GPR55: variants seen among roughly 807,000 people sequenced by gnomAD.
GPR55 encodes G-protein coupled receptor 55.
A neutral mutation model predicts 7.9 loss-of-function variants in GPR55; 6 were observed. That is an observed-to-expected ratio of 0.76 (90% CI 0.41 to 1.49). GPR55 has a LOEUF of 1.49. Ranked by LOEUF, GPR55 falls within the 40% of genes most tolerant of loss-of-function variation. The pLI, the probability that GPR55 is intolerant of heterozygous loss-of-function variation, is 0.01. For missense variants in GPR55, 376 were observed against 406.0 expected (o/e 0.93, Z 0.63); for synonymous variants, 183 against 166.8 (o/e 1.10, Z -0.75).
chr2:230,955,672 T>C (rs1334169340), intron 1 of GPR55, among the ~76,000 whole-genome samples: 1 of 152,210 alleles, frequency 6.6e-6, no homozygotes, highest in Non-Finnish European at 1.5e-5. Context: ...AGGAGACTCA[T>C]ATGGGAAAAC....
chr2:230,960,646 T>A (rs1691553593), intron 1 of GPR55: 1 of 152,180 alleles, frequency 6.6e-6, no homozygotes, highest in Admixed American at 6.5e-5. Context: ...CTTCCATTTT[T>A]ACAAGGAAAA....
rs149142480 is a variant in GPR55, at chr2:230,949,608, G to C, written c.-135+11167C>G. ...AAGGGTGGTCTTGGGACACTTTCTG[G>C]GGATCCACAAGGTCAAAACTATTTT... On this transcript the variant is annotated intron_variant, in intron 1 of 1. Transcript: ENST00000392039. Among the ~76,000 whole-genome samples, 646 of 152,224 alleles carry C rather than the reference G, an allele frequency of 4.2e-3. 8 individuals are homozygous for C. The highest frequency in any genetic ancestry group is 0.015 in the African/African-American group (612 of 41,524).
chr2:230,914,756 C>T (rs57677678), intron 1 of GPR55, among the ~76,000 whole-genome samples: 3 of 152,312 alleles, frequency 2.0e-5, no homozygotes, highest in East Asian at 3.9e-4. Flanking sequence ...AGGGGTCCAC[C>T]CCAATCAAGC....
At chr2:230,921,320 C>T (rs894199850) in intron 1 of GPR55, among the ~76,000 whole-genome samples, 1 of 152,158 alleles carries the variant, frequency 6.6e-6, no homozygotes, top group Admixed American at 6.5e-5. Flanking sequence ...ATAAGGTAGA[C>T]TAGCAGATCA....
intron 1 of GPR55, among the ~76,000 whole-genome samples, chr2:230,916,874 A>G (rs1032924310): frequency 5.3e-5 from 8 of 152,230 alleles, no homozygotes; most frequent in Non-Finnish European, 1.0e-4. Flanking sequence ...CAGCATAGAA[A>G]TTACAACAAT....
chr2:230,910,219 C>T lies in GPR55; in HGVS notation c.744G>A (p.Leu248=). The T allele has an allele frequency of 6.2e-7, 1 of 1,614,102 alleles. No individual in the cohort carries two copies. The highest frequency in any genetic ancestry group is 8.5e-7 in the Non-Finnish European group (1 of 1,179,950). Residue 248 remains leucine, a synonymous_variant, in exon 2 of 2, where the codon CTG becomes CTA. Transcript: ENST00000650999. This position sits in a 1 kb window ranked among gnomAD's most constrained non-coding sequence, Gnocchi z 5.4. ...SFLPVHLGFF[L]QFLVRNSFIV... is the part of the protein sequence containing the mutation. The stretch of plus-strand genomic sequence containing the variant: ...TAAAGCTGTTTCTCACCAGGAACTG[C>T]AGGAAGAACCCCAGGTGGACTGGGA...
chr2:230,944,322 C>T lies in GPR55; in HGVS notation c.-135+16453G>A, dbSNP rs542428821. Reference sequence around the variant, plus strand: ...AGCTTGATGACCCAGAAGCTATGGTCCTGCACACGTGAGTCTGTGACCTGA... The same window carrying T: ...AGCTTGATGACCCAGAAGCTATGGTTCTGCACACGTGAGTCTGTGACCTGA... On this transcript the variant is annotated intron_variant, in intron 1 of 1. Coordinates refer to the GPR55 transcript ENST00000392039. The surrounding 1 kb of genome is among the most constrained non-coding windows in gnomAD (Gnocchi z 4.2). Among the ~76,000 whole-genome samples, 11 of 152,332 alleles carry T rather than the reference C, an allele frequency of 7.2e-5. No individual in the cohort carries two copies. In the South Asian group the frequency reaches 2.3e-3, roughly 32 times the overall value.
upstream of GPR55, among the ~76,000 whole-genome samples, chr2:230,926,505 G>A (rs1690945252): frequency 6.6e-6 from 1 of 152,140 alleles, no homozygotes; most frequent in East Asian, 1.9e-4. Context: ...GAGGCCAGGA[G>A]CCTGCTGGGA....
intron 1 of GPR55, among the ~76,000 whole-genome samples, chr2:230,938,144 C>T (rs145261213): frequency 4.3e-4 from 35 of 82,086 alleles, no homozygotes; most frequent in Admixed American, 1.2e-3. Context: ...AAGACCCTGT[C>T]TCAAAAAAAA....
chr2:230,933,374 G>A (rs542052451), intron 1 of GPR55, among the ~76,000 whole-genome samples: 1 of 152,230 alleles, frequency 6.6e-6, no homozygotes, highest in Non-Finnish European at 1.5e-5. Flanking sequence ...CCTGCAAACC[G>A]TCTCCTGGGA....
intron 1 of GPR55, among the ~76,000 whole-genome samples, chr2:230,952,731 C>T (rs1352655670): frequency 6.6e-6 from 1 of 152,194 alleles, no homozygotes; most frequent in East Asian, 1.9e-4. Flanking sequence ...CCCACGGCCA[C>T]CCTGTCCCCA....
Position 230,915,529 on chromosome 2 carries a change from C to T in GPR55, c.-134-4433G>A, listed in dbSNP as rs542136746. On this transcript the variant is annotated intron_variant, in intron 1 of 1. Transcript: ENST00000650999. ...TGAATGGAGTGAAAGGACCCCAAAC[C>T]ATTGTGAGTCAACAGCAGCACGGTG... Among the ~76,000 whole-genome samples the T allele has an allele frequency of 1.2e-4, 19 of 152,266 alleles. 1 individual carries two copies. In the South Asian group the frequency reaches 2.3e-3, roughly 18 times the overall value.
chr2:230,915,221 C>T (rs1355133437), intron 1 of GPR55, among the ~76,000 whole-genome samples: 2 of 152,214 alleles, frequency 1.3e-5, no homozygotes, highest in Non-Finnish European at 2.9e-5. Flanking sequence ...GGAGTGGGTT[C>T]TCTGGAATTC....
chr2:230,944,415 A>AG lies in GPR55; in HGVS notation c.-135+16359dup, dbSNP rs1691280703. 6.6e-6 allele frequency among the ~76,000 whole-genome samples: 1 copy of AG among 152,192 alleles called. No individual in the cohort carries two copies. The highest frequency in any genetic ancestry group is 2.4e-5 in the African/African-American group (1 of 41,438). On this transcript the variant is annotated intron_variant, in intron 1 of 1. Transcript: ENST00000392039. The surrounding 1 kb of genome is among the most constrained non-coding windows in gnomAD (Gnocchi z 4.2). Reference sequence around the variant, plus strand: ...GCAAACCCCAGAAGTGTGGAAGGGAAGGGGAGAAAGCCTGTGGAGGGAGGT... The same window carrying AG: ...GCAAACCCCAGAAGTGTGGAAGGGAAGGGGGAGAAAGCCTGTGGAGGGAGGT...
intron 1 of GPR55, among the ~76,000 whole-genome samples, chr2:230,933,142 C>T (rs552203337): frequency 3.0e-5 from 2 of 66,454 alleles, no homozygotes; most frequent in South Asian, 8.3e-4. Context: ...CCTGTCGCCT[C>T]CTGTGGGCCT....
At chr2:230,960,093 C>A (rs1691546098) in intron 1 of GPR55, among the ~76,000 whole-genome samples, 1 of 152,106 alleles carries the variant, frequency 6.6e-6, no homozygotes, top group Non-Finnish European at 1.5e-5. Context: ...TATTCTACAC[C>A]AAACCAACTG....
intron 1 of GPR55, among the ~76,000 whole-genome samples, chr2:230,935,628 ATTCT>A (rs1361312151): frequency 6.6e-6 from 1 of 152,204 alleles, no homozygotes; most frequent in Non-Finnish European, 1.5e-5. Context: ...TCATGGGGCA[ATTCT>A]AAAGGAAATG....
At chr2:230,948,632 A>T (rs1691354000) in intron 1 of GPR55, among the ~76,000 whole-genome samples, 1 of 152,214 alleles carries the variant, frequency 6.6e-6, no homozygotes, top group Non-Finnish European at 1.5e-5. Context: ...AGCTGTAGAT[A>T]TTCCTTCCAT....
At chr2:230,956,816 A>G (rs1235018460) in intron 1 of GPR55, among the ~76,000 whole-genome samples, 46 of 151,830 alleles carry the variant, frequency 3.0e-4, no homozygotes, top group Non-Finnish European at 1.5e-5. Context: ...CTGTCTCCCT[A>G]CCTTTTTTCG....
Sources: gnomAD v4.1 joint callset for allele counts (sites outside exome capture counted in the v4.1 genomes callset) on GRCh38, gnomAD v4.1.1 for gene constraint, Gnocchi (gnomAD v3.1) non-coding constraint, MANE v1.5 for transcripts, NCBI Gene and HGNC (gene_info 2026-07-23, HGNC 2026-07-21) for gene names.